STK31: variants seen among roughly 807,000 people sequenced by gnomAD.
STK31 encodes serine/threonine kinase 31, also known as serine/threonine-protein kinase 31.
Under a neutral mutation model 129.7 loss-of-function variants are expected in STK31, and 89 were observed. The observed-to-expected ratio is 0.69, with a 90% CI of 0.58 to 0.82. The LOEUF (loss-of-function observed/expected upper bound fraction) is 0.82, where lower values mean the gene tolerates loss of function less well. Ranked by LOEUF, STK31 falls within the 40% of genes least tolerant of loss-of-function variation. The probability of loss-of-function intolerance (pLI) is 0.00; values close to 1 mark genes in which losing one functional copy is unlikely to be tolerated. For synonymous variants in STK31, 448 were observed against 395.3 expected (o/e 1.13, Z -1.58); for missense variants, 1,187 against 1,176.4 (o/e 1.01, Z -0.13).
At chr7:23,756,105 A>T (rs1275131812) in intron 10 of STK31, among the ~76,000 whole-genome samples, 2 of 152,142 alleles carry the variant, frequency 1.3e-5, no homozygotes, top group Admixed American at 1.3e-4. Flanking sequence ...CATTTTCATG[A>T]TATTGAGTCT....
At chr7:23,813,078 C>CTTTTTTTTTTTTTTTTTTTTTTTTT (rs70956924) in intron 22 of STK31, among the ~76,000 whole-genome samples, 7 of 94,118 alleles carry the variant, frequency 7.4e-5, no homozygotes, top group African/African-American at 8.4e-5. Flanking sequence ...GCTCTCTGTT[C>CTTTTTTTTTTTTTTTTTTTTTTTTT]TTTTTTTTTT....
At chr7:23,805,490 T>A (rs1156897893) in intron 22 of STK31, among the ~76,000 whole-genome samples, 1 of 152,214 alleles carries the variant, frequency 6.6e-6, no homozygotes, top group Non-Finnish European at 1.5e-5. Flanking sequence ...ATTTTTTATT[T>A]TTTTATTTTT....
intron 23 of STK31, among the ~76,000 whole-genome samples, chr7:23,822,081 C>T (rs1439614839): frequency 1.3e-5 from 2 of 152,048 alleles, no homozygotes; most frequent in South Asian, 2.1e-4. Flanking sequence ...GATGCCTCCA[C>T]CTTTGTTCTT....
At chr7:23,805,064 C>T (rs1792613965) in intron 22 of STK31, among the ~76,000 whole-genome samples, 1 of 149,770 alleles carries the variant, frequency 6.7e-6, no homozygotes, top group South Asian at 2.1e-4. Context: ...AACATTCTTT[C>T]TCATTTCTCT....
chr7:23,821,072 TCCTTA>T (rs1158313620), intron 23 of STK31, among the ~76,000 whole-genome samples: 2 of 152,172 alleles, frequency 1.3e-5, no homozygotes, highest in Admixed American at 6.5e-5. Flanking sequence ...TTAGGTTGAG[TCCTTA>T]CCTTTGTAAT....
At chr7:23,724,711 C>A (rs1270990340) in intron 4 of STK31, among the ~76,000 whole-genome samples, 1 of 152,186 alleles carries the variant, frequency 6.6e-6, no homozygotes, top group Non-Finnish European at 1.5e-5. Context: ...TGTCTTCTTA[C>A]CAGGGTTGAG....
intron 8 of STK31, among the ~76,000 whole-genome samples, chr7:23,741,418 AG>A (rs1788048562): frequency 6.6e-6 from 1 of 152,228 alleles, no homozygotes; most frequent in African/African-American, 2.4e-5. Flanking sequence ...ATTTACATAT[AG>A]TAAAAATGCA....
chr7:23,825,517 T>A (rs1794088918), intron 23 of STK31, among the ~76,000 whole-genome samples: 1 of 152,048 alleles, frequency 6.6e-6, no homozygotes, highest in African/African-American at 2.4e-5. Flanking sequence ...TGCTAGCAGT[T>A]TATCAATTTT....
intron 8 of STK31, among the ~76,000 whole-genome samples, chr7:23,749,435 C>T (rs2893126): frequency 0.72 from 105,947 of 147,066 alleles, 38,913 homozygotes; most frequent in South Asian, 0.87. Flanking sequence ...CTCCACCTCC[C>T]GGACTCAAGT....
At chr7:23,724,378 G>C (rs947322585) in intron 4 of STK31, among the ~76,000 whole-genome samples, 1 of 152,156 alleles carries the variant, frequency 6.6e-6, no homozygotes, top group Non-Finnish European at 1.5e-5. Flanking sequence ...GAGTTTGTCC[G>C]GCTTTCCCAG....
intron 22 of STK31, among the ~76,000 whole-genome samples, chr7:23,795,506 A>C (rs1791898042): frequency 6.6e-6 from 1 of 152,208 alleles, no homozygotes; most frequent in African/African-American, 2.4e-5. Context: ...GGGCTCCCAC[A>C]CAGAGCCCCA....
chr7:23,758,834 G>T (rs1789272995), intron 10 of STK31, among the ~76,000 whole-genome samples: 1 of 152,154 alleles, frequency 6.6e-6, no homozygotes, highest in Non-Finnish European at 1.5e-5. Flanking sequence ...CCAATTAAAA[G>T]ACACAGACTG....
At chr7:23,799,431 A>G (rs1232315639) in intron 22 of STK31, among the ~76,000 whole-genome samples, 1 of 152,182 alleles carries the variant, frequency 6.6e-6, no homozygotes, top group Non-Finnish European at 1.5e-5. Flanking sequence ...CACAGAAGTA[A>G]TGCCTCAGAA....
upstream of STK31, chr7:23,710,133 G>A (rs1308618431): frequency 3.7e-6 from 5 of 1,365,800 alleles, no homozygotes; most frequent in Non-Finnish European, 5.0e-6. Flanking sequence ...CTTCTTCCTA[G>A]GCGGCAGGCC....
chr7:23,789,022 C>T (rs1229157047), intron 21 of STK31, among the ~76,000 whole-genome samples: 1 of 152,150 alleles, frequency 6.6e-6, no homozygotes, highest in Non-Finnish European at 1.5e-5. Flanking sequence ...ATGGATTTGC[C>T]TATTTGGACA....
chr7:23,798,944 C>A (rs1390497741), intron 22 of STK31, among the ~76,000 whole-genome samples: 1 of 152,136 alleles, frequency 6.6e-6, no homozygotes, highest in African/African-American at 2.4e-5. Context: ...CATTCTTATA[C>A]ACCCGTAACA....
intron 11 of STK31, among the ~76,000 whole-genome samples, chr7:23,765,147 C>T (rs949708797): frequency 5.9e-5 from 9 of 152,008 alleles, no homozygotes; most frequent in Admixed American, 2.6e-4. Flanking sequence ...CTCTGCCTCC[C>T]GGGTTCAAGC....
chr7:23,779,596 T>C (rs1790782053), intron 15 of STK31, among the ~76,000 whole-genome samples: 1 of 152,084 alleles, frequency 6.6e-6, no homozygotes. Flanking sequence ...TGCGGTGAGC[T>C]CCGTGGAGTC....
intron 23 of STK31, among the ~76,000 whole-genome samples, chr7:23,828,020 C>T (rs1794283905): frequency 6.6e-6 from 1 of 152,312 alleles, no homozygotes; most frequent in East Asian, 1.9e-4. Flanking sequence ...GGGTGCCTCC[C>T]AGTTAGGCTA....
Sources: gnomAD v4.1 joint callset for allele counts (sites outside exome capture counted in the v4.1 genomes callset) on GRCh38, gnomAD v4.1.1 for gene constraint, MANE v1.5 for transcripts, NCBI Gene and HGNC (gene_info 2026-07-23, HGNC 2026-07-21) for gene names.